The following PKD2 variants were observed in gnomAD, a reference collection of about 807,000 sequenced individuals.
PKD2 encodes polycystin 2, transient receptor potential cation channel.
In PKD2, 48 loss-of-function variants were observed where a neutral mutation model predicts 105.9. The observed-to-expected ratio is 0.45, with a 90% CI of 0.36 to 0.58. PKD2 has a LOEUF of 0.58. Among genes scored for constraint, PKD2 ranks in the 20% least tolerant of loss-of-function variants. The pLI, the probability that PKD2 is intolerant of heterozygous loss-of-function variation, is 0.00. For missense variants in PKD2, 1,078 were observed against 1,255.3 expected, an observed-to-expected ratio of 0.86 and a Z score of 2.13; for synonymous variants, 464 against 481.1, an observed-to-expected ratio of 0.96 and a Z score of 0.46.
Position 88,056,223 on chromosome 4 carries a change from C to T in PKD2, c.1854C>T (p.Val618=). 1 of 1,613,516 alleles carries T rather than the reference C, an allele frequency of 6.2e-7. No homozygotes were observed. ...CGTATGCTCAGTTGGCATACCTTGTCTTTGGCACTCAGGTCGATGACTTCA... is the reference window on the plus strand; with the variant it reads ...CGTATGCTCAGTTGGCATACCTTGTTTTTGGCACTCAGGTCGATGACTTCA... ...FLAYAQLAYL[V]FGTQVDDFST... The change falls in exon 8 of 15, where the codon GTC becomes GTT. Residue 618 remains valine (V), a synonymous_variant. Transcript: ENST00000237596.
chr4:88,060,036 G>A (rs779075126), intron 9 of PKD2, among the ~76,000 whole-genome samples: 2 of 152,188 alleles, frequency 1.3e-5, no homozygotes, highest in African/African-American at 2.4e-5. Context: ...CGGGAGACAG[G>A]ATGGAGAGGA....
intron 6 of PKD2, among the ~76,000 whole-genome samples, chr4:88,048,974 G>A (rs533313438): frequency 6.6e-6 from 1 of 152,170 alleles, no homozygotes; most frequent in East Asian, 1.9e-4. Context: ...CCTGCCTCTT[G>A]GCTTATATGG....
At chr4:88,042,890 C>T (rs1307316284) in intron 4 of PKD2, among the ~76,000 whole-genome samples, 2 of 152,154 alleles carry the variant, frequency 1.3e-5, no homozygotes, top group African/African-American at 4.8e-5. Context: ...CGTCTAGTCC[C>T]TGAGCACAGT....
At chr4:88,022,018 A>G (rs2110091467) in intron 2 of PKD2, among the ~76,000 whole-genome samples, 1 of 152,318 alleles carries the variant, frequency 6.6e-6, no homozygotes, top group East Asian at 1.9e-4. Context: ...GGGCCATGAG[A>G]TTCCTAAACC....
intron 6 of PKD2, among the ~76,000 whole-genome samples, chr4:88,047,538 G>A (rs1220107220): frequency 6.6e-6 from 1 of 152,148 alleles, no homozygotes. Context: ...TGCAGCCTGG[G>A]TGACAGAGTG....
intron 1 of PKD2, among the ~76,000 whole-genome samples, chr4:88,012,636 T>C (rs899699098): frequency 7.9e-5 from 12 of 152,132 alleles, no homozygotes; most frequent in African/African-American, 2.9e-4. Context: ...TTTATTATAT[T>C]ATGTAAATGG....
In PKD2 at chr4:88,030,854, G is replaced by C. The variant is rs74517963; in HGVS notation, c.710-5366G>C. Among the ~76,000 whole-genome samples the C allele has an allele frequency of 6.0e-3, 914 of 152,324 alleles. 13 individuals are homozygous for C. The highest frequency in any genetic ancestry group is 0.021 in the African/African-American group (858 of 41,578). Reference sequence around the variant, plus strand: ...ACAACATGGCCTGTTTCCATTTCTTGTTCACTAGGACTTCTCATTTACTAA... The same window carrying C: ...ACAACATGGCCTGTTTCCATTTCTTCTTCACTAGGACTTCTCATTTACTAA... On this transcript the variant is annotated intron_variant, in intron 2 of 14. Transcript: ENST00000237596.
chr4:88,038,736 A>G (rs1727435976), intron 4 of PKD2, among the ~76,000 whole-genome samples: 1 of 152,194 alleles, frequency 6.6e-6, no homozygotes, highest in African/African-American at 2.4e-5. Flanking sequence ...TAAATCGTTG[A>G]CCATATAACC....
Position 88,045,093 on chromosome 4 carries a change from G to GTA in PKD2, c.1320-1547_1320-1546dup, listed in dbSNP as rs570951657. Among the ~76,000 whole-genome samples, 6 of 152,244 alleles carry GTA rather than the reference G, an allele frequency of 3.9e-5. No homozygotes were observed. The South Asian group carries it at 8.3e-4, about 21-fold the overall frequency. On this transcript the variant is annotated intron_variant, in intron 5 of 14. Coordinates refer to ENST00000237596, the MANE Select transcript of PKD2 (RefSeq NM_000297.4). Reference sequence around the variant, plus strand: ...AAATTCTATTTATAGAAGGTCTTGAGTATTTCTTCTGCTTCCTCCCTTACT... The same window carrying GTA: ...AAATTCTATTTATAGAAGGTCTTGAGTATATTTCTTCTGCTTCCTCCCTTACT...
At chr4:88,057,681 G>T (rs1418958233) in intron 8 of PKD2, among the ~76,000 whole-genome samples, 4 of 151,922 alleles carry the variant, frequency 2.6e-5, no homozygotes, top group Non-Finnish European at 4.4e-5. Flanking sequence ...TGATCCGCCC[G>T]CCTCGGCCTC....
chr4:88,051,921 A>G (rs1720118333), intron 6 of PKD2, 70 bp from the exon 7 acceptor site: 5 of 818,478 alleles, frequency 6.1e-6, no homozygotes, highest in Admixed American at 2.1e-5. Flanking sequence ...AGAAAAATAT[A>G]CTAGTCATAT....
intron 2 of PKD2, among the ~76,000 whole-genome samples, chr4:88,028,335 C>G (rs1211942293): frequency 6.6e-6 from 1 of 152,216 alleles, no homozygotes; most frequent in Non-Finnish European, 1.5e-5. Context: ...GAGTTAATCT[C>G]ACAGCAGCTG....
intron 10 of PKD2, among the ~76,000 whole-genome samples, chr4:88,064,934 GTT>G (rs2110137510): frequency 7.9e-6 from 1 of 127,358 alleles, no homozygotes; most frequent in South Asian, 2.4e-4. Flanking sequence ...TGGGTTTTTT[GTT>G]TGTTTGTTTG....
intron 13 of PKD2, among the ~76,000 whole-genome samples, chr4:88,071,205 G>A (rs1463396244): frequency 6.6e-6 from 1 of 151,530 alleles, no homozygotes; most frequent in Non-Finnish European, 1.5e-5. Flanking sequence ...ACAGGCATGA[G>A]CCACTGTACC....
At chr4:88,014,625 G>GA (rs1474193517) in intron 1 of PKD2, among the ~76,000 whole-genome samples, 1 of 152,190 alleles carries the variant, frequency 6.6e-6, no homozygotes, top group Non-Finnish European at 1.5e-5. Context: ...TGAATACTAG[G>GA]AAGGATTGTG....
Position 88,008,078 on chromosome 4 carries a change from C to T in PKD2, c.345C>T (p.Asp115=). The T allele has an allele frequency of 6.6e-7, 1 of 1,519,688 alleles. No individual in the cohort carries two copies. Among genetic ancestry groups the T allele is most frequent in the Middle Eastern group, 1.7e-4 (1 of 5,856 alleles). 94.1% of individuals were successfully genotyped at this position (1,519,688 alleles called of 1,614,324 possible). Residue 115 remains aspartate, a synonymous_variant, in exon 1 of 15, where the codon GAC becomes GAT. Coordinates refer to ENST00000237596, the MANE Select transcript of PKD2 (RefSeq NM_000297.4). ...GEEGGMVVEM[D]VEWRPGSRRS... ...AAGGCGGAATGGTGGTGGAGATGGA[C>T]GTAGAGTGGCGCCCGGGCAGCCGGA...
Position 88,008,037 on chromosome 4 carries a change from G to T in PKD2, c.304G>T (p.Glu102Ter). 1 of 1,521,884 alleles carries T rather than the reference G, an allele frequency of 6.6e-7. No individual in the cohort carries two copies. Among genetic ancestry groups the T allele is most frequent in the Non-Finnish European group, 8.8e-7 (1 of 1,139,644 alleles). 94.3% of individuals were successfully genotyped at this position (1,521,884 alleles called of 1,614,324 possible). A position where few individuals can be genotyped will look rare whatever the true frequency, so the allele number is the denominator to read the frequency against. Residue 102 changes from glutamate to a stop codon, truncating the protein, a stop_gained, in exon 1 of 15, where the codon GAG (glutamate) becomes TAG (stop). Coordinates refer to ENST00000237596, the MANE Select transcript of PKD2 (RefSeq NM_000297.4). LOFTEE classifies it high-confidence loss of function. Reference protein sequence around the residue: ...PGFEAEEEEEEVEGEEGGMVV... With the variant: ...PGFEAEEEEE The stretch of plus-strand genomic sequence containing the variant: ...CTTCGAGGCCGAGGAGGAGGAGGAG[G>T]AGGTGGAAGGGGAAGAAGGCGGAAT...
intron 12 of PKD2, among the ~76,000 whole-genome samples, chr4:88,067,386 G>A (rs968717870): frequency 6.6e-6 from 1 of 151,954 alleles, no homozygotes; most frequent in Admixed American, 6.6e-5. Context: ...TTTTAAGATG[G>A]CTCATGGCCC....
At chr4:88,073,062 A>C (rs1220510178) in intron 13 of PKD2, among the ~76,000 whole-genome samples, 1 of 142,838 alleles carries the variant, frequency 7.0e-6, no homozygotes, top group Non-Finnish European at 1.5e-5. Context: ...AAGAGTAGGA[A>C]CATTGAGGCT....
Sources: gnomAD v4.1 joint callset for allele counts (sites outside exome capture counted in the v4.1 genomes callset) on GRCh38, gnomAD v4.1.1 for gene constraint, MANE v1.5 for transcripts, NCBI Gene and HGNC (gene_info 2026-07-23, HGNC 2026-07-21) for gene names.